The following RNF139 variants were observed in gnomAD, a reference collection of about 807,000 sequenced individuals.
RNF139 encodes the protein E3 ubiquitin-protein ligase RNF139.
Under a neutral mutation model 49.5 loss-of-function variants are expected in RNF139, and 15 were observed. The observed-to-expected ratio is 0.30, with a 90% CI of 0.20 to 0.47. The LOEUF is 0.47. Among genes scored for constraint, RNF139 ranks in the 20% least tolerant of loss-of-function variants. RNF139 has a pLI of 1.00. For missense variants in RNF139, 619 were observed against 806.3 expected (o/e 0.77, Z 2.81); for synonymous variants, 325 against 300.9 (o/e 1.08, Z -0.83).
chr8:124,475,636 C>T (rs1816301756), intron 1 of RNF139, among the ~76,000 whole-genome samples: 1 of 152,226 alleles, frequency 6.6e-6, no homozygotes, highest in African/African-American at 2.4e-5. Flanking sequence ...TCTGCTATCC[C>T]AGTCTCGTCG....
intron 1 of RNF139, among the ~76,000 whole-genome samples, chr8:124,483,104 T>C (rs1306660121): frequency 1.8e-4 from 1 of 5,458 alleles, no homozygotes; most frequent in African/African-American, 1.9e-3. Flanking sequence ...TAAAAATATA[T>C]ATATTAAAAA....
rs556324240 is a variant in RNF139 at position 124,486,215 on chromosome 8, A to G, written c.566A>G (p.Asn189Ser). The change falls in exon 2 of 2, where the codon AAT becomes AGT. Residue 189 changes from asparagine to serine, a missense_variant. By Grantham distance (46) the Asn-to-Ser change is conservative. Coordinates refer to ENST00000303545, the MANE Select transcript of RNF139 (RefSeq NM_007218.4). ...LFTSSLILTL[N>S]TVFVLAVKLK... ...ACTTCTTCCTTGATTCTCACATTAA[A>G]TACAGTGTTTGTCCTGGCAGTGAAA... is the stretch of plus-strand genomic sequence containing the variant. 9.3e-6 allele frequency: 15 copies of G among 1,614,180 alleles called. No individual in the cohort carries two copies. The South Asian group carries it at 1.2e-4, about 13-fold the overall frequency.
intron 1 of RNF139, among the ~76,000 whole-genome samples, chr8:124,479,370 T>G (rs942733945): frequency 6.6e-6 from 1 of 152,200 alleles, no homozygotes; most frequent in Non-Finnish European, 1.5e-5. Context: ...GATACAAATC[T>G]GTTCATTGTA....
Position 124,475,063 on chromosome 8 carries a change from C to T in RNF139, c.-47C>T. The T allele has an allele frequency of 1.5e-6, 2 of 1,344,170 alleles. No homozygotes were observed. Among genetic ancestry groups the T allele is most frequent in the Non-Finnish European group, 9.5e-7 (1 of 1,050,888 alleles). The allele number at this position is 1,344,170 out of a possible 1,614,324, so 83.3% of individuals were successfully genotyped here. The stretch of plus-strand genomic sequence containing the variant: ...CCCGGCCGCGGCCCCGGGCCCTGCC[C>T]CGCGCGGCCCTGCCCGGCCCACCGA... On this transcript the variant is annotated 5_prime_UTR_variant, in exon 1 of 2. Coordinates refer to ENST00000303545, the MANE Select transcript of RNF139 (RefSeq NM_007218.4).
rs1221238676 is a variant in RNF139, at chr8:124,485,927, T to C, written c.278T>C (p.Val93Ala). Residue 93 changes from valine to alanine, a missense_variant, in exon 2 of 2, where the codon GTG becomes GCG. By Grantham distance (64) the Val-to-Ala change is moderately conservative. This residue lies in a region of RNF139 where 530 missense variants were observed against 728.9 expected (regional missense o/e 0.73). Coordinates refer to ENST00000303545, the MANE Select transcript of RNF139 (RefSeq NM_007218.4). ...SSAFLLAATS[V>A]LVNYYASLHI... Reference sequence around the variant, plus strand: ...GCCTTTCTGTTAGCTGCAACTTCAGTGTTGGTGAATTATTATGCTTCTTTG... The same window carrying C: ...GCCTTTCTGTTAGCTGCAACTTCAGCGTTGGTGAATTATTATGCTTCTTTG... 1.9e-6 allele frequency: 3 copies of C among 1,614,216 alleles called. No homozygotes were observed. The highest frequency in any genetic ancestry group is 1.7e-6 in the Non-Finnish European group (2 of 1,180,020).
intron 1 of RNF139, among the ~76,000 whole-genome samples, chr8:124,483,131 AGCC>A (rs1816479018): frequency 1.0e-4 from 1 of 9,910 alleles, no homozygotes; most frequent in Non-Finnish European, 2.8e-4. Context: ...TATTTAAAAG[AGCC>A]TGTTCTGAGC....
rs1255690440 is a variant in RNF139 at position 124,488,240 on chromosome 8, T to TATC, written c.*598_*600dup. ...AGACTGAGGGTTGACAAATAAACTGTATCAACTAAACTTTGATATAAACCA... is the reference window on the plus strand; with the variant it reads ...AGACTGAGGGTTGACAAATAAACTGTATCATCAACTAAACTTTGATATAAACCA... On this transcript the variant is annotated 3_prime_UTR_variant, in exon 2 of 2. Coordinates refer to ENST00000303545, the MANE Select transcript of RNF139 (RefSeq NM_007218.4). 6.6e-6 allele frequency among the ~76,000 whole-genome samples: 1 copy of TATC among 152,228 alleles called. No homozygotes were observed. The highest frequency in any genetic ancestry group is 6.5e-5 in the Admixed American group (1 of 15,282).
In RNF139 at chr8:124,486,629, C is replaced by G. The variant is rs1464597654; in HGVS notation, c.980C>G (p.Ala327Gly). ...GATGACAGGCGTCTTGGCTTTGTTG[C>G]ACCTGTTTTATTTTTTATTTTGGCT... ...EEDDRRLGFV[A>G]PVLFFILALQ... The change falls in exon 2 of 2, where the codon GCA becomes GGA. Residue 327 changes from alanine to glycine, a missense_variant. Ala to Gly is a moderately conservative substitution (Grantham distance 60, BLOSUM62 0). Coordinates refer to ENST00000303545, the MANE Select transcript of RNF139 (RefSeq NM_007218.4). The G allele has an allele frequency of 1.2e-6, 2 of 1,614,090 alleles. No homozygotes were observed. The highest frequency in any genetic ancestry group is 1.7e-6 in the Non-Finnish European group (2 of 1,180,002).
intron 1 of RNF139, among the ~76,000 whole-genome samples, chr8:124,484,613 C>A (rs79626366): frequency 0.018 from 2,816 of 152,228 alleles, 91 homozygotes; most frequent in African/African-American, 0.062. Context: ...TGGAGATTTG[C>A]AGTTGTAGGA....
At position 124,483,054 on chromosome 8, in the gene RNF139, TA is replaced by T. The variant is rs372288388; in HGVS notation, c.182-2776del. ...ATATATATATATTTAAAAATATATCTATTAAAAATATATATATATTATTTAA... is the reference window on the plus strand; with the variant it reads ...ATATATATATATTTAAAAATATATCTTTAAAAATATATATATATTATTTAA... On this transcript the variant is annotated intron_variant, in intron 1 of 1. Transcript: ENST00000303545. Among the ~76,000 whole-genome samples, 2 of 26,288 alleles carry T rather than the reference TA, an allele frequency of 7.6e-5. 1 individual carries two copies. The highest frequency in any genetic ancestry group is 6.0e-4 in the African/African-American group (2 of 3,338). The allele number at this position is 26,288 out of a possible 152,430, so 17.2% of individuals were successfully genotyped here.
Position 124,486,091 on chromosome 8 carries a change from C to A in RNF139, c.442C>A (p.His148Asn), listed in dbSNP as rs200977473. The change falls in exon 2 of 2, where the codon CAT becomes AAT. Residue 148 changes from histidine to asparagine, a missense_variant. This residue lies in a region of RNF139 where 530 missense variants were observed against 728.9 expected (regional missense o/e 0.73). Transcript: ENST00000303545. ...GIGYVTLLQI[H>N]SIYSQLIILD... ...TGGATACGTTACACTACTCCAGATT[C>A]ATTCCATCTATTCACAATTAATTAT... 35 of 1,614,182 alleles carry A rather than the reference C, an allele frequency of 2.2e-5. 2 individuals are homozygous for A. In the South Asian group the frequency reaches 3.6e-4, roughly 17 times the overall value.
chr8:124,482,307 A>G (rs1298224871), intron 1 of RNF139, among the ~76,000 whole-genome samples: 1 of 152,174 alleles, frequency 6.6e-6, no homozygotes, highest in Non-Finnish European at 1.5e-5. Context: ...AAGTTATTAG[A>G]ATTTTAAAAA....
Position 124,488,162 on chromosome 8 carries a change from A to C in RNF139, c.*518A>C, listed in dbSNP as rs1025559551. On this transcript the variant is annotated 3_prime_UTR_variant, in exon 2 of 2. Coordinates refer to ENST00000303545, the MANE Select transcript of RNF139 (RefSeq NM_007218.4). ...CAGAAGCAACTGAGGACCTTTTTTGAAACTTGAGTAGCAGTGTAATTGAGC... is the reference window on the plus strand; with the variant it reads ...CAGAAGCAACTGAGGACCTTTTTTGCAACTTGAGTAGCAGTGTAATTGAGC... Among the ~76,000 whole-genome samples, 1 of 152,172 alleles carries C rather than the reference A, an allele frequency of 6.6e-6. No homozygotes were observed. Among genetic ancestry groups the C allele is most frequent in the African/African-American group, 2.4e-5 (1 of 41,446 alleles).
rs1816589773 is a variant in RNF139, at chr8:124,488,368, A to G, written c.*724A>G. The G allele has an allele frequency of 9.3e-6, 3 of 321,360 alleles. No homozygotes were observed. The Middle Eastern group carries it at 2.7e-3, about 293-fold the overall frequency. The allele number at this position is 321,360 out of a possible 1,614,324, so 19.9% of individuals were successfully genotyped here. ...CCTTTCATTCTTTTGAAGATATTAC[A>G]AAACAAAAATAGTTTTTTTTAAATT... On this transcript the variant is annotated 3_prime_UTR_variant, in exon 2 of 2. Transcript: ENST00000303545.
In RNF139 at chr8:124,487,540, G is replaced by A. The variant is rs142938092; in HGVS notation, c.1891G>A (p.Glu631Lys). The A allele has an allele frequency of 5.6e-6, 9 of 1,613,984 alleles. No individual in the cohort carries two copies. Among genetic ancestry groups the A allele is most frequent in the East Asian group, 4.5e-5 (2 of 44,886 alleles). Reference protein sequence around the residue: ...AAAESDRELNEDDSTDCDDDV... With the variant: ...AAAESDRELNKDDSTDCDDDV... ...TGCTGAATCTGACAGGGAATTGAAC[G>A]AAGATGACAGTACAGATTGTGATGA... The change falls in exon 2 of 2, where the codon GAA (glutamate) becomes AAA (lysine). Residue 631 changes from glutamate to lysine, a missense_variant. Coordinates refer to ENST00000303545, the MANE Select transcript of RNF139 (RefSeq NM_007218.4).
chr8:124,481,032 G>T (rs562074442), intron 1 of RNF139, among the ~76,000 whole-genome samples: 1 of 152,122 alleles, frequency 6.6e-6, no homozygotes, highest in South Asian at 2.1e-4. Flanking sequence ...ATATATTTTT[G>T]ATAAAAGCAT....
Position 124,487,232 on chromosome 8 carries a change from A to G in RNF139, c.1583A>G (p.Lys528Arg). 6.2e-7 allele frequency: 1 copy of G among 1,613,924 alleles called. No homozygotes were observed. The highest frequency in any genetic ancestry group is 1.3e-5 in the African/African-American group (1 of 75,028). The change falls in exon 2 of 2, where the codon AAA becomes AGA. Residue 528 changes from lysine (K) to arginine (R), a missense_variant. This residue lies in a region of RNF139 where 530 missense variants were observed against 728.9 expected (regional missense o/e 0.73). Coordinates refer to ENST00000303545, the MANE Select transcript of RNF139 (RefSeq NM_007218.4). ...TFMNRRTAVK[K>R]INSLPEIKGS... Reference sequence around the variant, plus strand: ...ATGAATCGTAGGACTGCTGTGAAGAAAATTAATTCACTTCCTGAAATAAAA... The same window carrying G: ...ATGAATCGTAGGACTGCTGTGAAGAGAATTAATTCACTTCCTGAAATAAAA...
intron 1 of RNF139, 78 bp downstream of exon 1, chr8:124,475,368 G>A (rs1241889026): frequency 1.7e-5 from 24 of 1,427,672 alleles, no homozygotes; most frequent in Non-Finnish European, 2.3e-5. Context: ...CAGGCGCGCA[G>A]AGGCCATGGG....
Position 124,487,425 on chromosome 8 carries a change from AGAT to A in RNF139, c.1780_1782del (p.Asp594del), listed in dbSNP as rs764426960. 1.2e-6 allele frequency: 2 copies of A among 1,614,148 alleles called. No homozygotes were observed. The highest frequency in any genetic ancestry group is 1.1e-5 in the South Asian group (1 of 91,074). On this transcript the variant is annotated inframe_deletion, in exon 2 of 2. Transcript: ENST00000303545. The stretch of plus-strand genomic sequence containing the variant: ...TGTGCCATCAGAAAGTATACATCGA[AGAT>A]GATATCAAGGATAATTCAAATGTAT...
Sources: allele counts gnomAD v4.1 joint callset (sites outside exome capture counted in the v4.1 genomes callset), GRCh38; gene constraint gnomAD v4.1.1; regional missense constraint gnomAD v4.1.1; transcripts MANE v1.5; gene names NCBI Gene and HGNC (gene_info 2026-07-23, HGNC 2026-07-21).